Variants in HPCAL1 observed in about 807,000 individuals in gnomAD.
The protein encoded by HPCAL1 is hippocalcin like 1, also known as hippocalcin-like protein 1.
A neutral mutation model predicts 17.1 loss-of-function variants in HPCAL1; 8 were observed. That is an observed-to-expected ratio of 0.47 (90% CI 0.27 to 0.84). The LOEUF is 0.84. HPCAL1 is among the 40% of genes least tolerant of loss of function. HPCAL1 has a pLI of 0.13. For synonymous variants in HPCAL1, 112 were observed against 111.4 expected (o/e 1.01, Z -0.03); for missense variants, 165 against 271.1 (o/e 0.61, Z 2.75).
intron 1 of HPCAL1, among the ~76,000 whole-genome samples, chr2:10,318,554 T>C (rs1663469682): frequency 6.6e-6 from 1 of 152,158 alleles, no homozygotes; most frequent in East Asian, 1.9e-4. Context: ...GCTCCGGACA[T>C]TGGCGATGTG....
rs927991087 is a variant in HPCAL1, at chr2:10,351,910, T to C, written c.-110-44925T>C. The stretch of plus-strand genomic sequence containing the variant: ...TTCCTTCCTTCCTTCTTTCTTTCTT[T>C]CTTTTTTTTTTTTTGACGGAGTCTC... On this transcript the variant is annotated intron_variant, in intron 1 of 4. Transcript: ENST00000307845. 1.0e-4 allele frequency among the ~76,000 whole-genome samples: 13 copies of C among 126,870 alleles called. 1 individual carries two copies. The highest frequency in any genetic ancestry group is 3.5e-4 in the South Asian group (1 of 2,836). The allele number at this position is 126,870 out of a possible 152,430, so 83.2% of individuals were successfully genotyped here. A position where few individuals can be genotyped will look rare whatever the true frequency, so the allele number is the denominator to read the frequency against.
Position 10,409,256 on chromosome 2 carries a change from G to C in HPCAL1, c.-24-10478G>C, listed in dbSNP as rs1670173042. On this transcript the variant is annotated intron_variant, in intron 2 of 4. Coordinates refer to ENST00000307845, the MANE Select transcript of HPCAL1 (RefSeq NM_002149.4). ...GTGGAGACACGGAGGCACCTGAGAG[G>C]GGCGGGGTCTCAGCTCAGGCCCTGG... Among the ~76,000 whole-genome samples, 5 of 152,292 alleles carry C rather than the reference G, an allele frequency of 3.3e-5. No homozygotes were observed. In the South Asian group the frequency reaches 1.0e-3, roughly 32 times the overall value.
At chr2:10,396,738 A>T (rs1669056461) in intron 1 of HPCAL1, 97 bp from the exon 2 acceptor site, 1 of 152,216 alleles carries the variant, frequency 6.6e-6, no homozygotes, top group Admixed American at 6.5e-5. Flanking sequence ...AAAAACTGTG[A>T]TCCCCCAGCA....
chr2:10,343,726 G>A lies in HPCAL1; in HGVS notation c.-111+40549G>A, dbSNP rs1329153081. Among the ~76,000 whole-genome samples, 5 of 152,220 alleles carry A rather than the reference G, an allele frequency of 3.3e-5. No homozygotes were observed. The highest frequency in any genetic ancestry group is 3.9e-4 in the East Asian group (2 of 5,188). On this transcript the variant is annotated intron_variant, in intron 1 of 4. Transcript: ENST00000307845. This position sits in a 1 kb window ranked among gnomAD's most constrained non-coding sequence, Gnocchi z 4.8. ...GAGCAGAAACAAAACTCATCCTTGC[G>A]AAGGGACTTTTAGATCAGTGGCAGA...
intron 1 of HPCAL1, among the ~76,000 whole-genome samples, chr2:10,376,069 TC>T (rs1159262387): frequency 2.0e-5 from 3 of 152,072 alleles, no homozygotes; most frequent in African/African-American, 7.2e-5. Flanking sequence ...GTGTGTCACC[TC>T]CCTATTCTTT....
At chr2:10,386,777 C>T (rs541975742) in intron 1 of HPCAL1, among the ~76,000 whole-genome samples, 1 of 152,322 alleles carries the variant, frequency 6.6e-6, no homozygotes, top group African/African-American at 2.4e-5. Context: ...CCACCAGCCC[C>T]GCTGCCTGGA....
chr2:10,423,861 G>A (rs973901655), intron 4 of HPCAL1: 1 of 152,776 alleles, frequency 6.5e-6, no homozygotes, highest in African/African-American at 2.4e-5. Flanking sequence ...GGGAGGCCGA[G>A]GTGGGCAGAT....
chr2:10,379,734 A>G (rs1254313146), intron 1 of HPCAL1, among the ~76,000 whole-genome samples: 3 of 152,170 alleles, frequency 2.0e-5, no homozygotes, highest in Non-Finnish European at 4.4e-5. Context: ...TGAAAAGATG[A>G]GCTGAAAATA....
intron 2 of HPCAL1, among the ~76,000 whole-genome samples, chr2:10,400,389 G>T (rs1205707486): frequency 6.6e-6 from 1 of 152,242 alleles, no homozygotes; most frequent in Non-Finnish European, 1.5e-5. Context: ...ATAGTGATTT[G>T]TGTAGCCAAC....
intron 4 of HPCAL1, chr2:10,424,601 G>A (rs1214945998): frequency 4.2e-6 from 2 of 471,090 alleles, no homozygotes; most frequent in South Asian, 1.5e-5. Flanking sequence ...CCTCTTCAGA[G>A]GGCATCTTCT....
At position 10,384,545 on chromosome 2, in the gene HPCAL1, C is replaced by A. The variant is rs921284747; in HGVS notation, c.-110-12290C>A. On this transcript the variant is annotated intron_variant, in intron 1 of 4. Transcript: ENST00000307845. This position sits in a 1 kb window ranked among gnomAD's most constrained non-coding sequence, Gnocchi z 4.4. ...CCCCCATGGGGCTACAGATGCTAAT[C>A]TGCAAATCCCAGAAAAGTGGAATCT... Among the ~76,000 whole-genome samples, 2 of 152,146 alleles carry A rather than the reference C, an allele frequency of 1.3e-5. No individual in the cohort carries two copies. Among genetic ancestry groups the A allele is most frequent in the African/African-American group, 4.8e-5 (2 of 41,442 alleles).
chr2:10,395,429 G>C lies in HPCAL1; in HGVS notation c.-110-1406G>C, dbSNP rs577068081. ...CTGGACGCATAGACGTGAAACGGAC[G>C]ATTTCCTGACCTTGTGGCGCTCACA... On this transcript the variant is annotated intron_variant, in intron 1 of 4. Coordinates refer to ENST00000307845, the MANE Select transcript of HPCAL1 (RefSeq NM_002149.4). This position sits in a 1 kb window ranked among gnomAD's most constrained non-coding sequence, Gnocchi z 4.4. Among the ~76,000 whole-genome samples, 2 of 144,310 alleles carry C rather than the reference G, an allele frequency of 1.4e-5. No homozygotes were observed. The highest frequency in any genetic ancestry group is 3.1e-5 in the Non-Finnish European group (2 of 65,498). The allele number at this position is 144,310 out of a possible 152,430, so 94.7% of individuals were successfully genotyped here. A position where few individuals can be genotyped will look rare whatever the true frequency, so the allele number is the denominator to read the frequency against.
chr2:10,329,116 G>A (rs940554724), intron 1 of HPCAL1, among the ~76,000 whole-genome samples: 32 of 152,000 alleles, frequency 2.1e-4, no homozygotes, highest in African/African-American at 7.0e-4. Context: ...GATGTGAGCC[G>A]CCACTGTTGG....
intron 1 of HPCAL1, among the ~76,000 whole-genome samples, chr2:10,313,940 G>C (rs1663141912): frequency 6.6e-6 from 1 of 152,070 alleles, no homozygotes; most frequent in Admixed American, 6.6e-5. Flanking sequence ...AGACCAGCCT[G>C]GCCAACATGG....
intron 1 of HPCAL1, among the ~76,000 whole-genome samples, chr2:10,389,226 T>A (rs998409166): frequency 6.6e-6 from 1 of 152,204 alleles, no homozygotes; most frequent in Non-Finnish European, 1.5e-5. Context: ...AATTTCTGCA[T>A]AATCCACCCC....
chr2:10,414,322 C>A (rs1251141412), intron 2 of HPCAL1, among the ~76,000 whole-genome samples: 1 of 152,236 alleles, frequency 6.6e-6, no homozygotes, highest in African/African-American at 2.4e-5. Flanking sequence ...GGCACTTAAA[C>A]TACAGAACTC....
chr2:10,312,897 GTCA>G (rs1558449441), intron 1 of HPCAL1, among the ~76,000 whole-genome samples: 1 of 151,390 alleles, frequency 6.6e-6, no homozygotes, highest in Non-Finnish European at 1.5e-5. Flanking sequence ...CACTATCATC[GTCA>G]TCATCATCAC....
At position 10,342,223 on chromosome 2, in the gene HPCAL1, G is replaced by A. The variant is rs186556544; in HGVS notation, c.-111+39046G>A. Among the ~76,000 whole-genome samples, 3 of 152,248 alleles carry A rather than the reference G, an allele frequency of 2.0e-5. No individual in the cohort carries two copies. The highest frequency in any genetic ancestry group is 1.9e-4 in the East Asian group (1 of 5,184). On this transcript the variant is annotated intron_variant, in intron 1 of 4. Coordinates refer to ENST00000307845, the MANE Select transcript of HPCAL1 (RefSeq NM_002149.4). The surrounding 1 kb of genome is among the most constrained non-coding windows in gnomAD (Gnocchi z 4.1). ...GCTCCCCGTTTCATTTAGATGGAGC[G>A]TTTGTGGGATTTAAGACAGATTTTT...
Position 10,399,511 on chromosome 2 carries a change from C to T in HPCAL1, c.-25+2591C>T, listed in dbSNP as rs1179734769. ...ACCGCCACCATCACCATCACCACCACCGCCGCCACCACCGCCACTGCCACC... is the reference window on the plus strand; with the variant it reads ...ACCGCCACCATCACCATCACCACCATCGCCGCCACCACCGCCACTGCCACC... On this transcript the variant is annotated intron_variant, in intron 2 of 4. Transcript: ENST00000307845. Among the ~76,000 whole-genome samples, 257 of 115,078 alleles carry T rather than the reference C, an allele frequency of 2.2e-3. 2 individuals are homozygous for T. The highest frequency in any genetic ancestry group is 3.6e-3 in the Admixed American group (43 of 12,080). The allele number at this position is 115,078 out of a possible 152,430, so 75.5% of individuals were successfully genotyped here.
Sources: gnomAD v4.1 joint callset for allele counts (sites outside exome capture counted in the v4.1 genomes callset) on GRCh38, gnomAD v4.1.1 for gene constraint, Gnocchi (gnomAD v3.1) non-coding constraint, MANE v1.5 for transcripts, NCBI Gene and HGNC (gene_info 2026-07-23, HGNC 2026-07-21) for gene names.